Variants in TTLL4 observed in about 807,000 individuals in gnomAD.
The protein encoded by TTLL4 is tubulin monoglutamylase TTLL4.
Under a neutral mutation model 122.7 loss-of-function variants are expected in TTLL4, and 85 were observed. That is an observed-to-expected ratio of 0.69 (90% CI 0.58 to 0.83). TTLL4 has a LOEUF of 0.83. Ranked by LOEUF, TTLL4 falls within the 40% of genes least tolerant of loss-of-function variation. The pLI, the probability that TTLL4 is intolerant of heterozygous loss-of-function variation, is 0.00. For synonymous variants in TTLL4, 553 were observed against 563.0 expected (o/e 0.98, Z 0.25); for missense variants, 1,363 against 1,488.6 (o/e 0.92, Z 1.39).
rs771622464 is a variant in TTLL4, at chr2:218,729,748, T to TAA, written c.-99+2414_-99+2415dup. ...TAGGATTTTCTTTTCTCTCTCTTTT[T>TAA]AAAAAAAAAAAAAACAAAAAAAAAA... On this transcript the variant is annotated intron_variant, in intron 2 of 19. Coordinates refer to ENST00000392102, the MANE Select transcript of TTLL4 (RefSeq NM_014640.5). 9.1e-3 allele frequency among the ~76,000 whole-genome samples: 715 copies of TAA among 78,534 alleles called. 17 individuals carry two copies. The highest frequency in any genetic ancestry group is 0.034 in the African/African-American group (655 of 19,242). 51.5% of individuals were successfully genotyped at this position (78,534 alleles called of 152,430 possible).
intron 5 of TTLL4, 80 bp from the exon 6 acceptor site, chr2:218,745,029 T>C (rs1415950565): frequency 6.5e-7 from 1 of 1,546,388 alleles, no homozygotes; most frequent in African/African-American, 1.4e-5. Flanking sequence ...CACTTGGAAA[T>C]AAATCGTACG....
At chr2:218,731,411 CAAAA>C (rs892504493) in intron 2 of TTLL4, among the ~76,000 whole-genome samples, 1 of 137,716 alleles carries the variant, frequency 7.3e-6, no homozygotes, top group Non-Finnish European at 1.6e-5. Context: ...ACTCTGTTTC[CAAAA>C]AAAAAAAAAA....
chr2:218,757,639 A>C (rs138702970), downstream of TTLL4, among the ~76,000 whole-genome samples: 667 of 152,214 alleles, frequency 4.4e-3, 5 homozygotes, highest in African/African-American at 0.015. Flanking sequence ...CATTACAGGT[A>C]CCTTCTCTTG....
rs1236124222 is a variant in TTLL4, at chr2:218,754,307, A to C, written c.3518A>C (p.Lys1173Thr). 1 of 1,614,182 alleles carries C rather than the reference A, an allele frequency of 6.2e-7. No individual in the cohort carries two copies. The highest frequency in any genetic ancestry group is 8.5e-7 in the Non-Finnish European group (1 of 1,180,030). The part of the protein sequence containing the change: ...SLSTQTLPVI[K>T]CSGQTSRLSA... Reference sequence around the variant, plus strand: ...TCTACCCAGACGTTACCTGTGATCAAGTGCTCTGGGCAGACTTCAAGACTT... The same window carrying C: ...TCTACCCAGACGTTACCTGTGATCACGTGCTCTGGGCAGACTTCAAGACTT... Residue 1173 changes from lysine (K) to threonine (T), a missense_variant, in exon 20 of 20, where the codon AAG becomes ACG. By Grantham distance (78) the Lys-to-Thr change is moderately conservative. Transcript: ENST00000392102.
rs1943108838 is a variant in TTLL4 at position 218,754,375 on chromosome 2, G to A, written c.3586G>A (p.Ala1196Thr). 1 of 1,613,998 alleles carries A rather than the reference G, an allele frequency of 6.2e-7. No individual in the cohort carries two copies. Reference protein sequence around the residue: ...TFQSISDSLLAVSP With the variant: ...TFQSISDSLLTVSP Reference sequence around the variant, plus strand: ...CCAGTCAATCAGTGACTCCCTCCTGGCTGTGAGCCCATAACTGGCCTCTCT... The same window carrying A: ...CCAGTCAATCAGTGACTCCCTCCTGACTGTGAGCCCATAACTGGCCTCTCT... Residue 1196 changes from alanine to threonine, a missense_variant, in exon 20 of 20, where the codon GCT (alanine) becomes ACT (threonine). This residue lies in a region of TTLL4 where 596 missense variants were observed against 655.8 expected (regional missense o/e 0.91). Transcript: ENST00000392102.
chr2:218,715,724 C>T (rs6731740), intron 1 of TTLL4, among the ~76,000 whole-genome samples: 9,177 of 152,062 alleles, frequency 0.06, 917 homozygotes, highest in African/African-American at 0.21. Flanking sequence ...CCACCTTCCT[C>T]GTTCACGCCA....
intron 2 of TTLL4, among the ~76,000 whole-genome samples, chr2:218,729,174 TC>T (rs1044127007): frequency 5.9e-5 from 9 of 152,136 alleles, no homozygotes; most frequent in African/African-American, 1.9e-4. Flanking sequence ...CCTCAGGTGA[TC>T]CGTCTGCCTC....
At chr2:218,736,849 CTTTT>C (rs776690140) in intron 2 of TTLL4, among the ~76,000 whole-genome samples, 2 of 139,436 alleles carry the variant, frequency 1.4e-5, no homozygotes. Context: ...TTCAGATCGT[CTTTT>C]TTTTTTTTTT....
chr2:218,745,729 T>C lies in TTLL4; in HGVS notation c.1825T>C (p.Trp609Arg). The C allele has an allele frequency of 1.2e-6, 2 of 1,613,256 alleles. No individual in the cohort carries two copies. Among genetic ancestry groups the C allele is most frequent in the Non-Finnish European group, 1.7e-6 (2 of 1,179,728 alleles). The change falls in exon 7 of 20, where the codon TGG (tryptophan) becomes CGG (arginine). Residue 609 changes from tryptophan (W) to arginine (R), a missense_variant. By Grantham distance (101) the Trp-to-Arg change is moderately radical. Coordinates refer to ENST00000392102, the MANE Select transcript of TTLL4 (RefSeq NM_014640.5). ...LPWEQRKLLR[W>R]KMSTVTPNIV... ...CTGGGAACAGAGGAAGTTGCTCCGA[T>C]GGAAGATGAGCACAGTGACCCCCAA...
At position 218,738,535 on chromosome 2, in the gene TTLL4, T is replaced by C. The variant is rs776330451; in HGVS notation, c.859T>C (p.Leu287=). 5.6e-6 allele frequency: 9 copies of C among 1,614,154 alleles called. No individual in the cohort carries two copies. The highest frequency in any genetic ancestry group is 7.6e-6 in the Non-Finnish European group (9 of 1,180,020). ...AGCTGATGCCAGTGCCCATATCGCC[T>C]TGTCTACCGCTAGCTCCCACGACAC... ...VPADASAHIA[L]STASSHDTST... is the part of the protein sequence containing the mutation. Residue 287 remains leucine (L), a synonymous_variant, in exon 3 of 20, where the codon TTG becomes CTG. Transcript: ENST00000392102.
chr2:218,727,622 G>A (rs897122019), intron 2 of TTLL4, among the ~76,000 whole-genome samples: 1 of 152,106 alleles, frequency 6.6e-6, no homozygotes, highest in Non-Finnish European at 1.5e-5. Flanking sequence ...TGTAGTCCCA[G>A]CTACTCAGGA....
In TTLL4 at chr2:218,755,007, T is replaced by G. The variant is rs1236193183; in HGVS notation, c.*618T>G. ...TGCCAGCAGCCCTAGGTCTTCCTGTTCTGACCCCCCATCACTGCTCGTTCA... is the reference window on the plus strand; with the variant it reads ...TGCCAGCAGCCCTAGGTCTTCCTGTGCTGACCCCCCATCACTGCTCGTTCA... On this transcript the variant is annotated 3_prime_UTR_variant, in exon 20 of 20. Transcript: ENST00000392102. 1 of 154,004 alleles carries G rather than the reference T, an allele frequency of 6.5e-6. No individual in the cohort carries two copies. The allele number at this position is 154,004 out of a possible 1,614,324, so 9.5% of individuals were successfully genotyped here.
At chr2:218,731,443 A>G (rs1942380473) in intron 2 of TTLL4, among the ~76,000 whole-genome samples, 1 of 152,016 alleles carries the variant, frequency 6.6e-6, no homozygotes, top group Non-Finnish European at 1.5e-5. Context: ...AAAGCTCCCA[A>G]ATAACAAGAC....
rs1214489346 is a variant in TTLL4 at position 218,754,167 on chromosome 2, C to T, written c.3378C>T (p.Leu1126=). The change falls in exon 20 of 20, where the codon CTC becomes CTT. Residue 1126 remains leucine (L), a synonymous_variant. Coordinates refer to ENST00000392102, the MANE Select transcript of TTLL4 (RefSeq NM_014640.5). ...KQSSCEVSLL[L]SEDGTTPKSK... ...GCTCCTGTGAGGTTAGCCTACTACT[C>T]TCTGAAGACGGGACCACGCCCAAAT... is the stretch of plus-strand genomic sequence containing the variant. The T allele has an allele frequency of 6.2e-7, 1 of 1,614,222 alleles. No individual in the cohort carries two copies. The highest frequency in any genetic ancestry group is 2.2e-5 in the East Asian group (1 of 44,886).
rs1208956425 is a variant in TTLL4, at chr2:218,750,059, G to A, written c.2786G>A (p.Arg929His). ...LDISIKGQMI[R>H]DLLNLAGFVL... Reference sequence around the variant, plus strand: ...ATCAGCATCAAAGGCCAGATGATTCGTGACCTTCTGAATCTGGCAGGTTTT... The same window carrying A: ...ATCAGCATCAAAGGCCAGATGATTCATGACCTTCTGAATCTGGCAGGTTTT... Residue 929 changes from arginine to histidine, a missense_variant, in exon 15 of 20, where the codon CGT (arginine) becomes CAT (histidine). Physicochemically the swap from Arg to His is conservative, Grantham distance 29 (BLOSUM62 0). Around this residue, in one of 3 missense-constraint regions of TTLL4, gnomAD observed 596 missense variants for 655.8 expected, o/e 0.91. Coordinates refer to ENST00000392102, the MANE Select transcript of TTLL4 (RefSeq NM_014640.5). The A allele has an allele frequency of 6.8e-6, 11 of 1,613,958 alleles. No individual in the cohort carries two copies. The highest frequency in any genetic ancestry group is 2.7e-5 in the African/African-American group (2 of 74,902).
intron 8 of TTLL4, chr2:218,746,776 GT>G (rs1942854945): frequency 1.8e-6 from 1 of 560,244 alleles, no homozygotes; most frequent in Non-Finnish European, 3.1e-6. Context: ...TGCACTTAAG[GT>G]GAATATCACA....
rs1450633819 is a variant in TTLL4, at chr2:218,747,284, TC to T, written c.2167-4del. ...GGAGCAAATCTCATCTCCTTTCTGC[TC>T]CTAGCCAGCATCAGCTCGAGGCATT... is the stretch of plus-strand genomic sequence containing the variant. On this transcript the variant is annotated splice_polypyrimidine_tract_variant and splice_region_variant and intron_variant, in intron 9 of 19. Coordinates refer to ENST00000392102, the MANE Select transcript of TTLL4 (RefSeq NM_014640.5). This position sits in a 1 kb window ranked among gnomAD's most constrained non-coding sequence, Gnocchi z 4.7. 4 of 1,614,122 alleles carry T rather than the reference TC, an allele frequency of 2.5e-6. No homozygotes were observed. Among genetic ancestry groups the T allele is most frequent in the Non-Finnish European group, 3.4e-6 (4 of 1,180,030 alleles).
Position 218,738,848 on chromosome 2 carries a change from A to G in TTLL4, c.1172A>G (p.Glu391Gly), listed in dbSNP as rs749799897. The G allele has an allele frequency of 6.2e-7, 1 of 1,614,204 alleles. No individual in the cohort carries two copies. The highest frequency in any genetic ancestry group is 1.1e-5 in the South Asian group (1 of 91,086). ...GCGGTAAATCAGCAGTTTCCTCAGG[A>G]GGATGCTGGATCGGTCAGGCGGGTC... ...PPAVNQQFPQ[E>G]DAGSVRRVLP... The change falls in exon 3 of 20, where the codon GAG (glutamate) becomes GGG (glycine). Residue 391 changes from glutamate (E) to glycine (G), a missense_variant. Around this residue, in one of 3 missense-constraint regions of TTLL4, gnomAD observed 760 missense variants for 808.4 expected, o/e 0.94. Coordinates refer to ENST00000392102, the MANE Select transcript of TTLL4 (RefSeq NM_014640.5).
At position 218,745,792 on chromosome 2, in the gene TTLL4, A is replaced by G; in HGVS notation, c.1888A>G (p.Ile630Val). The change falls in exon 7 of 20, where the codon ATC becomes GTC. Residue 630 changes from isoleucine to valine, a missense_variant. Physicochemically the swap from Ile to Val is conservative, Grantham distance 29. Coordinates refer to ENST00000392102, the MANE Select transcript of TTLL4 (RefSeq NM_014640.5). ...KQTIGRSHFK[I>V]SKRNDDWLGC... ...GACCATTGGACGGTCCCACTTCAAAATCAGCAAAAGTGAGTTGCTTGCCTT... is the reference window on the plus strand; with the variant it reads ...GACCATTGGACGGTCCCACTTCAAAGTCAGCAAAAGTGAGTTGCTTGCCTT... The G allele has an allele frequency of 6.2e-7, 1 of 1,613,052 alleles. No individual in the cohort carries two copies. The highest frequency in any genetic ancestry group is 8.5e-7 in the Non-Finnish European group (1 of 1,179,528).
Sources: gnomAD v4.1 joint callset for allele counts (sites outside exome capture counted in the v4.1 genomes callset) on GRCh38, gnomAD v4.1.1 for gene constraint, gnomAD v4.1.1 regional missense constraint, Gnocchi (gnomAD v3.1) non-coding constraint, MANE v1.5 for transcripts, NCBI Gene and HGNC (gene_info 2026-07-23, HGNC 2026-07-21) for gene names.